GBP7: variants seen among roughly 807,000 people sequenced by gnomAD.
The protein encoded by GBP7 is guanylate-binding protein 7.
GBP7 carries 43 observed loss-of-function variants against 61.3 expected under a neutral mutation model. The observed-to-expected ratio is 0.70, with a 90% confidence interval of 0.55 to 0.91. The LOEUF (loss-of-function observed/expected upper bound fraction) is 0.91. Ranked by LOEUF, GBP7 falls within the 40% of genes least tolerant of loss-of-function variation. GBP7 has a pLI of 0.00. For synonymous variants in GBP7, 267 were observed against 271.0 expected, an observed-to-expected ratio of 0.99 and a Z score of 0.14; for missense variants, 717 against 740.5, an observed-to-expected ratio of 0.97 and a Z score of 0.37.
chr1:89,173,858 C>G (rs927553293), intron 1 of GBP7, among the ~76,000 whole-genome samples: 1 of 152,166 alleles, frequency 6.6e-6, no homozygotes, highest in African/African-American at 2.4e-5. Context: ...TTTCCTTCAT[C>G]TTACCACTCC....
At chr1:89,155,926 T>C (rs1682306876) in intron 3 of GBP7, among the ~76,000 whole-genome samples, 1 of 151,934 alleles carries the variant, frequency 6.6e-6, no homozygotes. Context: ...AAAGTTGAAA[T>C]GAAGGAAAAA....
chr1:89,135,225 T>C lies in GBP7; in HGVS notation c.1469-1774A>G, dbSNP rs181193837. ...ATAAAGAGACCAAACCTATGACTCA[T>C]TGGCACCCGTGAAAGGGAGAGATAG... is the stretch of plus-strand genomic sequence containing the variant. On this transcript the variant is annotated intron_variant, in intron 9 of 10. Coordinates refer to ENST00000294671, the MANE Select transcript of GBP7 (RefSeq NM_207398.3). Among the ~76,000 whole-genome samples, 569 of 152,296 alleles carry C rather than the reference T, an allele frequency of 3.7e-3. 18 individuals are homozygous for C. Among genetic ancestry groups the C allele is most frequent in the Non-Finnish European group, 1.5e-3 (103 of 68,016 alleles).
chr1:89,157,288 A>G (rs982013062), intron 3 of GBP7, among the ~76,000 whole-genome samples: 3 of 152,220 alleles, frequency 2.0e-5, no homozygotes, highest in African/African-American at 7.2e-5. Flanking sequence ...CATCACAATT[A>G]AAAGAACTAG....
chr1:89,150,019 A>G (rs619178), intron 6 of GBP7, among the ~76,000 whole-genome samples: 112,197 of 152,132 alleles, frequency 0.74, 41,676 homozygotes, highest in African/African-American at 0.81. Flanking sequence ...GCTCTTTTCT[A>G]TACAGAGCAC....
Position 89,133,464 on chromosome 1 carries a change from G to C in GBP7, c.1469-13C>G, listed in dbSNP as rs755377784. The C allele has an allele frequency of 5.6e-6, 9 of 1,611,676 alleles. No homozygotes were observed. In the South Asian group the frequency reaches 8.8e-5, roughly 16 times the overall value. ...TTAGCCTGCTTAGCTGTTCCACCGA[G>C]GTTTTACAGAGGGAAGAAAATAACA... On this transcript the variant is annotated splice_polypyrimidine_tract_variant and intron_variant, in intron 9 of 10. Coordinates refer to ENST00000294671, the MANE Select transcript of GBP7 (RefSeq NM_207398.3).
intron 8 of GBP7, among the ~76,000 whole-genome samples, chr1:89,143,999 A>C (rs954051665): frequency 7.2e-5 from 11 of 152,256 alleles, no homozygotes; most frequent in Admixed American, 6.5e-4. Context: ...TAGAACCCCA[A>C]AGGTCGTTTT....
rs1347507847 is a variant in GBP7 at position 89,133,443 on chromosome 1, C to G, written c.1477G>C (p.Ala493Pro). Reference protein sequence around the residue: ...AGEKAIAAKQAKKEAAEKEQE... With the variant: ...AGEKAIAAKQPKKEAAEKEQE... ...TCCTTTTCAGCTGCCTCCTTCTTAG[C>G]CTGCTTAGCTGTTCCACCGAGGTTT... Residue 493 changes from alanine to proline, a missense_variant, in exon 10 of 11, where the codon GCT (alanine) becomes CCT (proline). Coordinates refer to ENST00000294671, the MANE Select transcript of GBP7 (RefSeq NM_207398.3). 9.3e-6 allele frequency: 15 copies of G among 1,613,696 alleles called. No individual in the cohort carries two copies. The highest frequency in any genetic ancestry group is 1.3e-5 in the Non-Finnish European group (15 of 1,179,924).
intron 3 of GBP7, among the ~76,000 whole-genome samples, chr1:89,153,752 A>C (rs956450995): frequency 6.6e-6 from 1 of 152,212 alleles, no homozygotes; most frequent in African/African-American, 2.4e-5. Context: ...ACAATCCAAA[A>C]AATGGGAAGT....
At chr1:89,151,523 G>GTTC (rs1452865667) in intron 5 of GBP7, among the ~76,000 whole-genome samples, 2 of 152,198 alleles carry the variant, frequency 1.3e-5, no homozygotes, top group East Asian at 1.9e-4. Context: ...ACATATATCA[G>GTTC]TTATTCAAAA....
At chr1:89,136,736 C>T (rs750283932) in intron 9 of GBP7, among the ~76,000 whole-genome samples, 1 of 152,038 alleles carries the variant, frequency 6.6e-6, no homozygotes, top group Non-Finnish European at 1.5e-5. Flanking sequence ...TCTAACATTA[C>T]ACCTTGAGGA....
intron 1 of GBP7, among the ~76,000 whole-genome samples, chr1:89,172,631 C>G (rs114440601): frequency 0.02 from 3,107 of 152,198 alleles, 35 homozygotes; most frequent in Middle Eastern, 0.048. Flanking sequence ...ATGGCCTTAA[C>G]TTTGATCACT....
At chr1:89,143,521 T>C (rs1681999080) in intron 8 of GBP7, among the ~76,000 whole-genome samples, 1 of 152,148 alleles carries the variant, frequency 6.6e-6, no homozygotes, top group Non-Finnish European at 1.5e-5. Context: ...TACATTTAAT[T>C]TTTTTTATTT....
At chr1:89,159,012 A>G in intron 3 of GBP7, among the ~76,000 whole-genome samples, 1 of 152,206 alleles carries the variant, frequency 6.6e-6, no homozygotes, top group East Asian at 1.9e-4. Flanking sequence ...ACCAAAACAG[A>G]GATATAGACC....
At chr1:89,149,228 G>A in intron 7 of GBP7, 64 bp downstream of exon 7, 1 of 1,374,870 alleles carries the variant, frequency 7.3e-7, no homozygotes, top group Non-Finnish European at 9.9e-7. Context: ...GCATTAAAAA[G>A]GTGGACTATA....
chr1:89,156,012 G>T (rs1459856202), intron 3 of GBP7, among the ~76,000 whole-genome samples: 1 of 152,164 alleles, frequency 6.6e-6, no homozygotes, highest in African/African-American at 2.4e-5. Flanking sequence ...AGATCTCTTG[G>T]CAGAAACTCT....
intron 9 of GBP7, among the ~76,000 whole-genome samples, chr1:89,135,634 A>T (rs1051625521): frequency 1.3e-5 from 2 of 152,232 alleles, no homozygotes; most frequent in African/African-American, 4.8e-5. Context: ...TTTTTAGACA[A>T]GCAAATGCTA....
chr1:89,153,487 A>G (rs1682249682), intron 3 of GBP7, among the ~76,000 whole-genome samples: 1 of 152,242 alleles, frequency 6.6e-6, no homozygotes, highest in Non-Finnish European at 1.5e-5. Flanking sequence ...TTAGTGAACA[A>G]TAATCCTTTT....
chr1:89,146,948 C>T (rs1429562568), intron 8 of GBP7, among the ~76,000 whole-genome samples: 1 of 152,170 alleles, frequency 6.6e-6, no homozygotes, highest in Non-Finnish European at 1.5e-5. Flanking sequence ...ATAGATCAGC[C>T]CATCAGCTCC....
chr1:89,145,556 A>G (rs774889626), intron 8 of GBP7, among the ~76,000 whole-genome samples: 2 of 152,160 alleles, frequency 1.3e-5, no homozygotes, highest in Non-Finnish European at 2.9e-5. Context: ...TCTCTTTGAG[A>G]TAGTGACTTT....
Sources: gnomAD v4.1 joint callset for allele counts (sites outside exome capture counted in the v4.1 genomes callset) on GRCh38, gnomAD v4.1.1 for gene constraint, MANE v1.5 for transcripts, NCBI Gene and HGNC (gene_info 2026-07-23, HGNC 2026-07-21) for gene names.